GBE1: variants seen among roughly 807,000 people sequenced by gnomAD.
GBE1 encodes the protein 1,4-alpha-glucan branching enzyme 1.
Under a neutral mutation model 88.8 loss-of-function variants are expected in GBE1, and 70 were observed. The observed-to-expected ratio is 0.79, with a 90% confidence interval of 0.65 to 0.96. GBE1 has a LOEUF of 0.96. GBE1 is among the 40% of genes least tolerant of loss of function. The pLI, the probability that GBE1 is intolerant of heterozygous loss-of-function variation, is 0.00. For synonymous variants in GBE1, 284 were observed against 300.1 expected (o/e 0.95, Z 0.56); for missense variants, 872 against 871.0 (o/e 1.00, Z -0.01).
chr3:81,505,980 C>T (rs1022071335), intron 14 of GBE1, among the ~76,000 whole-genome samples: 1 of 151,962 alleles, frequency 6.6e-6, no homozygotes, highest in Non-Finnish European at 1.5e-5. Flanking sequence ...CCCTGAAAGA[C>T]ACCCTAGGCA....
chr3:81,492,374 A>G (rs1702448353), intron 15 of GBE1, among the ~76,000 whole-genome samples: 1 of 152,210 alleles, frequency 6.6e-6, no homozygotes, highest in African/African-American at 2.4e-5. Flanking sequence ...TCCACGAATA[A>G]AGCAGGACTA....
In GBE1 at chr3:81,648,967, G is replaced by A. The variant is rs768278350; in HGVS notation, c.580C>T (p.Pro194Ser). ...GATTCATAAATTCTTAGACTCCGTG[G>A]CTTCTTTGGTCTGGAATGCTTAAAC... ...YEFKHSRPKK[P>S]RSLRIYESHV... The change falls in exon 5 of 16, where the codon CCA (proline) becomes TCA (serine). Residue 194 changes from proline to serine, a missense_variant. By Grantham distance (74) the Pro-to-Ser change is moderately conservative. Coordinates refer to ENST00000429644, the MANE Select transcript of GBE1 (RefSeq NM_000158.4). 1 of 1,586,112 alleles carries A rather than the reference G, an allele frequency of 6.3e-7. No individual in the cohort carries two copies. The highest frequency in any genetic ancestry group is 1.2e-5 in the South Asian group (1 of 85,672).
intron 12 of GBE1, among the ~76,000 whole-genome samples, chr3:81,574,349 C>T (rs1703616429): frequency 6.6e-6 from 1 of 152,124 alleles, no homozygotes; most frequent in Non-Finnish European, 1.5e-5. Context: ...CCTGCAAATA[C>T]TTTGTGTTTT....
intron 7 of GBE1, among the ~76,000 whole-genome samples, chr3:81,610,167 T>C (rs1487878623): frequency 6.6e-6 from 1 of 152,188 alleles, no homozygotes; most frequent in East Asian, 1.9e-4. Context: ...GGCCCACTGG[T>C]TCAAATTTTG....
chr3:81,589,205 A>T (rs1468124138), intron 9 of GBE1, among the ~76,000 whole-genome samples: 3 of 152,084 alleles, frequency 2.0e-5, no homozygotes, highest in Non-Finnish European at 4.4e-5. Flanking sequence ...AGAGGGAAAG[A>T]TACATCAATC....
intron 2 of GBE1, among the ~76,000 whole-genome samples, chr3:81,700,045 C>A (rs1705664424): frequency 6.6e-6 from 1 of 152,248 alleles, no homozygotes; most frequent in South Asian, 2.1e-4. Flanking sequence ...CAGTGGCTCC[C>A]CATATTGGGG....
At chr3:81,599,318 TTGTGTGCGTG>T (rs1559657948) in intron 7 of GBE1, among the ~76,000 whole-genome samples, 1 of 151,844 alleles carries the variant, frequency 6.6e-6, no homozygotes. Context: ...GTGTGTGTGC[TTGTGTGCGTG>T]TGTGTGTGTG....
rs183938021 is a variant in GBE1 at position 81,558,614 on chromosome 3, T to C, written c.1618+19311A>G. On this transcript the variant is annotated intron_variant, in intron 12 of 15. Coordinates refer to ENST00000429644, the MANE Select transcript of GBE1 (RefSeq NM_000158.4). ...AAGATAGCAGTTATGAAAATATTTG[T>C]GACTCATGAGGAAACAAGTCTTGTG... Among the ~76,000 whole-genome samples the C allele has an allele frequency of 1.4e-3, 220 of 152,196 alleles. 2 individuals are homozygous for C. Among genetic ancestry groups the C allele is most frequent in the Non-Finnish European group, 1.6e-3 (109 of 67,980 alleles).
chr3:81,563,251 C>T (rs1050937862), intron 12 of GBE1, among the ~76,000 whole-genome samples: 12 of 152,078 alleles, frequency 7.9e-5, no homozygotes, highest in African/African-American at 2.9e-4. Flanking sequence ...AGAAAGTGTG[C>T]TAAGTGGCTG....
chr3:81,490,709 A>C (rs1702425422), intron 15 of GBE1, among the ~76,000 whole-genome samples: 1 of 152,034 alleles, frequency 6.6e-6, no homozygotes, highest in Non-Finnish European at 1.5e-5. Context: ...CTCCTTACAC[A>C]AGAATGACGT....
At chr3:81,704,470 C>T (rs772196687) in intron 2 of GBE1, among the ~76,000 whole-genome samples, 9 of 151,944 alleles carry the variant, frequency 5.9e-5, no homozygotes, top group Non-Finnish European at 1.0e-4. Context: ...AATTCCCTCA[C>T]GTCCCTCTGT....
intron 7 of GBE1, among the ~76,000 whole-genome samples, chr3:81,629,554 G>A (rs1704475744): frequency 6.6e-6 from 1 of 152,080 alleles, no homozygotes; most frequent in African/African-American, 2.4e-5. Flanking sequence ...AATGGATGTA[G>A]ATTTACCCAA....
At chr3:81,623,920 C>T (rs1052154823) in intron 7 of GBE1, among the ~76,000 whole-genome samples, 1 of 152,192 alleles carries the variant, frequency 6.6e-6, no homozygotes, top group South Asian at 2.1e-4. Flanking sequence ...TTCTTCCTGT[C>T]TTGGCCTCCC....
chr3:81,581,269 T>C lies in GBE1; in HGVS notation c.1342A>G (p.Lys448Glu). Residue 448 changes from lysine to glutamate, a missense_variant, in exon 11 of 16, where the codon AAA becomes GAA. Transcript: ENST00000429644. ...AIPDKWIQLL[K>E]EFKDEDWNMG... ...TTCCAGTCTTCATCTTTAAACTCTT[T>C]AAGTAGCTAGACACAAGAGAGAAAA... 6.4e-7 allele frequency: 1 copy of C among 1,554,422 alleles called. No individual in the cohort carries two copies. The highest frequency in any genetic ancestry group is 8.8e-7 in the Non-Finnish European group (1 of 1,142,344).
intron 10 of GBE1, among the ~76,000 whole-genome samples, chr3:81,582,221 G>A (rs1703741210): frequency 6.6e-6 from 1 of 152,038 alleles, no homozygotes; most frequent in South Asian, 2.1e-4. Context: ...GAACGTGGAA[G>A]GCAGAAGAGC....
chr3:81,534,503 G>C (rs1156848920), intron 14 of GBE1, among the ~76,000 whole-genome samples: 16 of 152,018 alleles, frequency 1.1e-4, no homozygotes, highest in Non-Finnish European at 2.4e-4. Context: ...AATACATAGA[G>C]AACATCAAAA....
intron 2 of GBE1, among the ~76,000 whole-genome samples, chr3:81,690,557 T>G (rs922940052): frequency 3.3e-5 from 5 of 152,192 alleles, no homozygotes; most frequent in Admixed American, 1.3e-4. Flanking sequence ...AATAGTAAAT[T>G]TTTCCAATAT....
chr3:81,634,519 TAC>T (rs1704564394), intron 7 of GBE1, among the ~76,000 whole-genome samples: 13 of 152,162 alleles, frequency 8.5e-5, no homozygotes, highest in Admixed American at 8.5e-4. Context: ...CTGTTTTCAG[TAC>T]TAACGAACAG....
intron 2 of GBE1, among the ~76,000 whole-genome samples, chr3:81,690,022 T>C (rs1705497313): frequency 6.6e-6 from 1 of 152,174 alleles, no homozygotes; most frequent in African/African-American, 2.4e-5. Context: ...CAAGGCCCTG[T>C]ATTTAGCTGA....
Sources: allele counts gnomAD v4.1 joint callset (sites outside exome capture counted in the v4.1 genomes callset), GRCh38; gene constraint gnomAD v4.1.1; transcripts MANE v1.5; gene names NCBI Gene and HGNC (gene_info 2026-07-23, HGNC 2026-07-21).